Variants in ANKS1B observed in about 807,000 individuals in gnomAD.
ANKS1B encodes the protein ankyrin repeat and sterile alpha motif domain-containing protein 1B.
In ANKS1B, 36 loss-of-function variants were observed where a neutral mutation model predicts 148.3. That is an observed-to-expected ratio of 0.24 (90% CI 0.19 to 0.32). ANKS1B has a LOEUF of 0.32. Ranked by LOEUF, ANKS1B falls within the 10% of genes least tolerant of loss-of-function variation. ANKS1B has a pLI of 1.00. For synonymous variants in ANKS1B, 542 were observed against 560.8 expected (o/e 0.97, Z 0.47); for missense variants, 1,157 against 1,542.6 (o/e 0.75, Z 4.19).
At chr12:98,771,128 G>C (rs2098558262) in intron 25 of ANKS1B, among the ~76,000 whole-genome samples, 1 of 152,098 alleles carries the variant, frequency 6.6e-6, no homozygotes, top group Admixed American at 6.5e-5. Context: ...GACAAGTATG[G>C]CTATAAATGG....
intron 1 of ANKS1B, among the ~76,000 whole-genome samples, chr12:99,860,136 CA>C (rs1332682590): frequency 6.6e-6 from 1 of 151,672 alleles, no homozygotes; most frequent in Non-Finnish European, 1.5e-5. Context: ...ACATGGAAAC[CA>C]AAAAAAGTAT....
chr12:99,654,842 CTAAA>C (rs1331732381), intron 9 of ANKS1B, among the ~76,000 whole-genome samples: 4 of 152,118 alleles, frequency 2.6e-5, no homozygotes, highest in African/African-American at 7.2e-5. Context: ...TATAACCAAA[CTAAA>C]TAATACTAAT....
intron 14 of ANKS1B, among the ~76,000 whole-genome samples, chr12:99,196,456 G>T (rs1170934204): frequency 2.0e-5 from 3 of 152,032 alleles, no homozygotes; most frequent in Non-Finnish European, 4.4e-5. Context: ...TGCAATGGCT[G>T]GCTGTCTTTA....
At chr12:99,861,857 G>A (rs1444610010) in intron 1 of ANKS1B, among the ~76,000 whole-genome samples, 1 of 149,146 alleles carries the variant, frequency 6.7e-6, no homozygotes, top group Non-Finnish European at 1.5e-5. Context: ...ATACGAAAGT[G>A]AATGTTCTTT....
At chr12:99,617,012 AT>A (rs1175724915) in intron 9 of ANKS1B, among the ~76,000 whole-genome samples, 1 of 152,260 alleles carries the variant, frequency 6.6e-6, no homozygotes, top group East Asian at 1.9e-4. Context: ...AAAAGAAGAC[AT>A]TTATGTGGCC....
chr12:99,345,154 T>C (rs550698498), intron 12 of ANKS1B, among the ~76,000 whole-genome samples: 5 of 152,224 alleles, frequency 3.3e-5, no homozygotes, highest in African/African-American at 1.2e-4. Flanking sequence ...TAATTCATCT[T>C]ATATCAAAGA....
At chr12:99,872,514 T>C (rs1375947765) in intron 1 of ANKS1B, among the ~76,000 whole-genome samples, 2 of 152,138 alleles carry the variant, frequency 1.3e-5, no homozygotes, top group East Asian at 1.9e-4. Context: ...CATTTCTCAC[T>C]GGCACAAACA....
At chr12:99,353,878 T>C (rs1428762187) in intron 12 of ANKS1B, among the ~76,000 whole-genome samples, 2 of 152,040 alleles carry the variant, frequency 1.3e-5, no homozygotes, top group African/African-American at 4.8e-5. Context: ...TCCTATCACT[T>C]TGAGCATTTA....
chr12:99,363,455 A>G (rs1298926594), intron 12 of ANKS1B, among the ~76,000 whole-genome samples: 1 of 152,174 alleles, frequency 6.6e-6, no homozygotes, highest in Non-Finnish European at 1.5e-5. Context: ...TAAGTGATAC[A>G]GGCTACCAAG....
At chr12:99,213,452 G>T (rs1366631573) in intron 14 of ANKS1B, among the ~76,000 whole-genome samples, 1 of 152,190 alleles carries the variant, frequency 6.6e-6, no homozygotes, top group Admixed American at 6.5e-5. Context: ...CTGGGGAAGA[G>T]TAGAAACCTT....
chr12:99,175,422 A>G (rs983593512), intron 14 of ANKS1B, among the ~76,000 whole-genome samples: 4 of 152,234 alleles, frequency 2.6e-5, no homozygotes, highest in Non-Finnish European at 4.4e-5. Flanking sequence ...TACATCTTGT[A>G]CACATAGTCT....
At chr12:99,790,622 T>A (rs2065528642) in intron 4 of ANKS1B, among the ~76,000 whole-genome samples, 1 of 152,138 alleles carries the variant, frequency 6.6e-6, no homozygotes, top group Admixed American at 6.6e-5. Flanking sequence ...GGTGGCAAAG[T>A]TAAACTGTAT....
chr12:99,860,113 G>A (rs1335114629), intron 1 of ANKS1B, among the ~76,000 whole-genome samples: 1 of 152,184 alleles, frequency 6.6e-6, no homozygotes, highest in Non-Finnish European at 1.5e-5. Context: ...TGAAGTTTAG[G>A]AGAGAGATGA....
At chr12:99,701,177 G>C (rs2054752115) in intron 8 of ANKS1B, among the ~76,000 whole-genome samples, 1 of 152,128 alleles carries the variant, frequency 6.6e-6, no homozygotes, top group Non-Finnish European at 1.5e-5. Context: ...TCTTGGTTGT[G>C]CCACCACTTC....
chr12:99,932,819 G>A (rs2094657352), intron 1 of ANKS1B, among the ~76,000 whole-genome samples: 1 of 152,064 alleles, frequency 6.6e-6, no homozygotes, highest in South Asian at 2.1e-4. Context: ...TGCTTGTGAG[G>A]TATTACTCAA....
intron 12 of ANKS1B, among the ~76,000 whole-genome samples, chr12:99,381,971 T>C (rs1452016755): frequency 1.3e-5 from 2 of 152,174 alleles, no homozygotes; most frequent in Non-Finnish European, 2.9e-5. Context: ...GTTTTACAGA[T>C]ACAAATCTAA....
chr12:99,894,521 A>AAAAAC (rs1555231548), intron 1 of ANKS1B, among the ~76,000 whole-genome samples: 1 of 145,386 alleles, frequency 6.9e-6, no homozygotes, highest in African/African-American at 2.5e-5. Context: ...AAAAAAAAAA[A>AAAAAC]AAAAAAAAAC....
At chr12:99,635,873 A>G (rs2098229901) in intron 9 of ANKS1B, among the ~76,000 whole-genome samples, 1 of 152,144 alleles carries the variant, frequency 6.6e-6, no homozygotes. Flanking sequence ...CTGATCATTA[A>G]TTTGGGGGTA....
intron 14 of ANKS1B, among the ~76,000 whole-genome samples, chr12:99,177,898 G>A (rs946333749): frequency 2.6e-5 from 4 of 151,986 alleles, no homozygotes; most frequent in Admixed American, 1.3e-4. Flanking sequence ...GAATATTCAT[G>A]GTTAACTTCA....
Sources: gnomAD v4.1 joint callset for allele counts (sites outside exome capture counted in the v4.1 genomes callset) on GRCh38, gnomAD v4.1.1 for gene constraint, MANE v1.5 for transcripts, NCBI Gene and HGNC (gene_info 2026-07-23, HGNC 2026-07-21) for gene names.